Variants in NFIB observed in about 807,000 individuals in gnomAD.
NFIB encodes nuclear factor 1 B-type.
Under a neutral mutation model 61.5 loss-of-function variants are expected in NFIB, and 11 were observed. That is an observed-to-expected ratio of 0.18 (90% CI 0.11 to 0.30). NFIB has a LOEUF of 0.30. Among genes scored for constraint, NFIB ranks in the 10% least tolerant of loss-of-function variants. The probability of loss-of-function intolerance (pLI) is 1.00; values close to 1 mark genes in which losing one functional copy is unlikely to be tolerated. For synonymous variants in NFIB, 260 were observed against 216.5 expected, an observed-to-expected ratio of 1.20 and a Z score of -1.76; for missense variants, 471 against 608.9, an observed-to-expected ratio of 0.77 and a Z score of 2.38.
chr9:14,307,588 A>G lies in NFIB; in HGVS notation c.31-68T>C. On this transcript the variant is annotated intron_variant, in intron 1 of 10. Transcript: ENST00000380953. This position sits in a 1 kb window ranked among gnomAD's most constrained non-coding sequence, Gnocchi z 5.3. ...TTTAATTTTAAAAGCTCAAAAAATA[A>G]GAAAAGAAGACCACAACCCGTTTCC... 7.0e-7 allele frequency: 1 copy of G among 1,435,318 alleles called. No homozygotes were observed. Among genetic ancestry groups the G allele is most frequent in the South Asian group, 1.6e-5 (1 of 64,156 alleles). 88.9% of individuals were successfully genotyped at this position (1,435,318 alleles called of 1,614,324 possible).
chr9:14,432,383 C>A, the NFIB span, among the ~76,000 whole-genome samples: 1 of 152,196 alleles, frequency 6.6e-6, no homozygotes, highest in African/African-American at 2.4e-5. Context: ...GTTTCTTAAG[C>A]CCCTGCTACA....
chr9:14,353,275 G>A (rs948417650), intron 1 of NFIB, among the ~76,000 whole-genome samples: 8 of 152,128 alleles, frequency 5.3e-5, no homozygotes, highest in African/African-American at 9.7e-5. Flanking sequence ...CGTGGAAAGG[G>A]GAGGGATATT....
Position 14,088,210 on chromosome 9 carries a change from T to C in NFIB, c.*99A>G. ...TTTCTTTTTCCCTCAGTTGCTTGTT[T>C]CTGCTTGAAGGAAAGGTTCTCCAAT... On this transcript the variant is annotated 3_prime_UTR_variant, in exon 11 of 11. Transcript: ENST00000380953. 6.5e-7 allele frequency: 1 copy of C among 1,542,400 alleles called. No individual in the cohort carries two copies. Among genetic ancestry groups the C allele is most frequent in the Non-Finnish European group, 8.8e-7 (1 of 1,140,476 alleles).
At chr9:14,428,702 C>G in the NFIB span, among the ~76,000 whole-genome samples, 1 of 152,308 alleles carries the variant, frequency 6.6e-6, no homozygotes, top group East Asian at 1.9e-4. Flanking sequence ...CGTTGACATT[C>G]AAATACAGTA....
At chr9:14,452,251 C>T in the NFIB span, among the ~76,000 whole-genome samples, 2 of 151,908 alleles carry the variant, frequency 1.3e-5, no homozygotes, top group African/African-American at 4.8e-5. Flanking sequence ...ACTAAAATTC[C>T]CCAAGCAGTT....
chr9:14,411,798 T>C, the NFIB span, among the ~76,000 whole-genome samples: 2 of 152,144 alleles, frequency 1.3e-5, no homozygotes, highest in South Asian at 4.1e-4. Flanking sequence ...CTGTTACCAA[T>C]AGAATACAGC....
intron 10 of NFIB, among the ~76,000 whole-genome samples, chr9:14,093,831 A>G (rs556188667): frequency 1.3e-5 from 2 of 152,228 alleles, no homozygotes; most frequent in East Asian, 1.9e-4. Flanking sequence ...GTCTTGTGAA[A>G]AAAATGCTCG....
At chr9:14,317,163 C>T (rs988823593), upstream of NFIB, 3 of 152,206 alleles carry the variant, frequency 2.0e-5, no homozygotes, top group African/African-American at 7.2e-5. Flanking sequence ...ATCGCTACCC[C>T]TCCTCCCTTT....
At chr9:14,526,538 CT>C in the NFIB span, among the ~76,000 whole-genome samples, 1 of 152,134 alleles carries the variant, frequency 6.6e-6, no homozygotes, top group East Asian at 1.9e-4. Context: ...AATATCCTGA[CT>C]TTTTTGCACA....
chr9:14,187,004 CCTGT>C (rs1184015155), intron 2 of NFIB, among the ~76,000 whole-genome samples: 1 of 75,180 alleles, frequency 1.3e-5, no homozygotes, highest in Non-Finnish European at 3.4e-5. Flanking sequence ...ATTCTTCGCT[CCTGT>C]GTGTGTGTGT....
intron 2 of NFIB, among the ~76,000 whole-genome samples, chr9:14,200,491 G>A (rs953212258): frequency 2.6e-5 from 4 of 152,150 alleles, no homozygotes; most frequent in African/African-American, 4.8e-5. Flanking sequence ...GGATCGGTAA[G>A]TCTAAGTATG....
At chr9:14,194,953 TTC>T (rs144308047) in intron 2 of NFIB, among the ~76,000 whole-genome samples, 13 of 150,254 alleles carry the variant, frequency 8.7e-5, no homozygotes, top group African/African-American at 9.7e-5. Flanking sequence ...CCAGCACACA[TTC>T]TCTCTCTCTC....
chr9:14,371,686 G>A (rs1393253950), intron 1 of NFIB, among the ~76,000 whole-genome samples: 1 of 152,214 alleles, frequency 6.6e-6, no homozygotes, highest in Non-Finnish European at 1.5e-5. Context: ...TGAGAAATCA[G>A]AAGATCTGGC....
chr9:14,216,536 CTCTCTCCCTCTGTGTG>C (rs1214504567), intron 2 of NFIB, among the ~76,000 whole-genome samples: 609 of 31,558 alleles, frequency 0.019, 12 homozygotes, highest in African/African-American at 0.084. Context: ...CTCTCTCTCT[CTCTCTCCCTCTGTGTG>C]TGTGTGTGTG....
intron 2 of NFIB, among the ~76,000 whole-genome samples, chr9:14,272,331 A>G (rs1301855297): frequency 6.6e-6 from 1 of 152,194 alleles, no homozygotes; most frequent in African/African-American, 2.4e-5. Context: ...TTTTAAATAG[A>G]ACATGACTTA....
chr9:14,409,481 T>A, the NFIB span, among the ~76,000 whole-genome samples: 1 of 152,134 alleles, frequency 6.6e-6, no homozygotes, highest in Non-Finnish European at 1.5e-5. Context: ...TGCCTGCCCA[T>A]GCCATCCTTC....
At chr9:14,400,383 A>G (rs2061731251), upstream of NFIB, among the ~76,000 whole-genome samples, 1 of 152,178 alleles carries the variant, frequency 6.6e-6, no homozygotes, top group Admixed American at 6.6e-5. Flanking sequence ...GGCTGACACC[A>G]AGGAGATGAC....
At chr9:14,348,507 C>T (rs2061062380) in intron 1 of NFIB, among the ~76,000 whole-genome samples, 1 of 152,206 alleles carries the variant, frequency 6.6e-6, no homozygotes, top group South Asian at 2.1e-4. Flanking sequence ...AGCTTTCGTT[C>T]CTAGACTCTT....
chr9:14,267,317 A>T (rs1415364953), intron 2 of NFIB, among the ~76,000 whole-genome samples: 1 of 152,214 alleles, frequency 6.6e-6, no homozygotes, highest in Non-Finnish European at 1.5e-5. Context: ...ATTCCACAAA[A>T]GTAGTCTATA....
Sources: allele counts gnomAD v4.1 joint callset (sites outside exome capture counted in the v4.1 genomes callset), GRCh38; gene constraint gnomAD v4.1.1; non-coding constraint Gnocchi (gnomAD v3.1); transcripts MANE v1.5; gene names NCBI Gene and HGNC (gene_info 2026-07-23, HGNC 2026-07-21).